Variants in LRRK1 observed in about 807,000 individuals in gnomAD.
LRRK1 encodes leucine rich repeat kinase 1.
A neutral mutation model predicts 209.1 loss-of-function variants in LRRK1; 113 were observed. The observed-to-expected ratio is 0.54, with a 90% CI of 0.46 to 0.63. LRRK1 has a LOEUF of 0.63. LRRK1 is among the 30% of genes least tolerant of loss of function. The pLI, the probability that LRRK1 is intolerant of heterozygous loss-of-function variation, is 0.00. For missense variants in LRRK1, 2,284 were observed against 2,632.2 expected, an observed-to-expected ratio of 0.87 and a Z score of 2.89; for synonymous variants, 1,144 against 1,099.7, an observed-to-expected ratio of 1.04 and a Z score of -0.80.
At chr15:100,962,824 T>TACATATATATATATATACATATATA (rs1555461505) in intron 2 of LRRK1, among the ~76,000 whole-genome samples, 5 of 8,436 alleles carry the variant, frequency 5.9e-4, no homozygotes, top group Non-Finnish European at 1.4e-3. Flanking sequence ...TATATATATA[T>TACATATATATATATATACATATATA]TTTTTTTTTT....
Position 101,073,032 on chromosome 15 carries a change from A to G in LRRK1, c.*4184A>G, listed in dbSNP as rs887764718. On this transcript the variant is annotated 3_prime_UTR_variant, in exon 34 of 34. Transcript: ENST00000388948. ...GGTCCATGAGAAAGATCCACCTACA[A>G]CCTCAAGTCCTCAGACCAACCAGCC... is the stretch of plus-strand genomic sequence containing the variant. 1.1e-4 allele frequency: 21 copies of G among 190,408 alleles called. No homozygotes were observed. Among genetic ancestry groups the G allele is most frequent in the Non-Finnish European group, 1.8e-4 (17 of 95,992 alleles). 11.8% of individuals were successfully genotyped at this position (190,408 alleles called of 1,614,324 possible).
chr15:100,967,776 A>G (rs1249296824), intron 2 of LRRK1, among the ~76,000 whole-genome samples: 1 of 152,242 alleles, frequency 6.6e-6, no homozygotes, highest in Non-Finnish European at 1.5e-5. Flanking sequence ...TTGCCTTTCT[A>G]TCCAACCATC....
At chr15:100,941,464 C>CTGTG (rs763355554) in intron 2 of LRRK1, among the ~76,000 whole-genome samples, 3,090 of 88,716 alleles carry the variant, frequency 0.035, 132 homozygotes, top group Middle Eastern at 0.061. Context: ...GTCTATGTCT[C>CTGTG]TGTGTGTGTG....
Position 101,011,575 on chromosome 15 carries a change from G to A in LRRK1, c.1282-433G>A, listed in dbSNP as rs549536813. The stretch of plus-strand genomic sequence containing the variant: ...TTTGCTTGTTAAAACAGATGGAATA[G>A]CATGAAGAATGTGTGTGTGTGTGTG... On this transcript the variant is annotated intron_variant, in intron 9 of 33. Coordinates refer to ENST00000388948, the MANE Select transcript of LRRK1 (RefSeq NM_024652.6). Among the ~76,000 whole-genome samples the A allele has an allele frequency of 2.2e-4, 26 of 120,890 alleles. No homozygotes were observed. In the East Asian group the frequency reaches 7.0e-3, roughly 33 times the overall value. The allele number at this position is 120,890 out of a possible 152,430, so 79.3% of individuals were successfully genotyped here.
chr15:101,020,270 T>C (rs1203700035), intron 12 of LRRK1, among the ~76,000 whole-genome samples: 1 of 152,130 alleles, frequency 6.6e-6, no homozygotes. Context: ...AGGTGTGGTG[T>C]GTGTGCATAT....
Position 100,924,695 on chromosome 15 carries a change from T to A in LRRK1, c.63T>A (p.Ala21=). ...GGTGTGTGGGGCCGGAGGAGTCAGCTGTGTGTCCAGAACGTGCCATGGAGA... is the reference window on the plus strand; with the variant it reads ...GGTGTGTGGGGCCGGAGGAGTCAGCAGTGTGTCCAGAACGTGCCATGGAGA... ...MYWCVGPEES[A]VCPERAMETL... The change falls in exon 2 of 34, where the codon GCT becomes GCA. Residue 21 remains alanine, a synonymous_variant. Transcript: ENST00000388948. The A allele has an allele frequency of 6.2e-7, 1 of 1,614,144 alleles. No individual in the cohort carries two copies. Among genetic ancestry groups the A allele is most frequent in the Non-Finnish European group, 8.5e-7 (1 of 1,180,010 alleles).
intron 2 of LRRK1, among the ~76,000 whole-genome samples, chr15:100,964,804 G>A (rs948281853): frequency 7.4e-4 from 56 of 75,452 alleles, no homozygotes; most frequent in Non-Finnish European, 1.5e-3. Flanking sequence ...ACGTGCACAC[G>A]CATGCGCGCA....
chr15:101,014,546 G>A (rs973822254), intron 11 of LRRK1, 118 bp downstream of exon 11: 2 of 704,610 alleles, frequency 2.8e-6, no homozygotes, highest in Admixed American at 2.7e-5. Flanking sequence ...CCAGCTGGGG[G>A]CTTAACAACA....
At chr15:100,930,657 GAGA>G (rs1424442567) in intron 2 of LRRK1, among the ~76,000 whole-genome samples, 10 of 152,344 alleles carry the variant, frequency 6.6e-5, no homozygotes, top group Admixed American at 3.3e-4. Flanking sequence ...GCCACCAAGA[GAGA>G]AGATTTTCTT....
At chr15:101,062,473 T>A in intron 30 of LRRK1, 101 bp from the exon 31 acceptor site, 1 of 822,722 alleles carries the variant, frequency 1.2e-6, no homozygotes, top group Admixed American at 1.7e-5. Flanking sequence ...CCAAGACCCA[T>A]AGGGGATCCC....
At chr15:101,040,409 ATTCT>A (rs1272292736) in intron 20 of LRRK1, among the ~76,000 whole-genome samples, 8 of 151,876 alleles carry the variant, frequency 5.3e-5, no homozygotes, top group Admixed American at 5.2e-4. Flanking sequence ...CTTTTCTCTC[ATTCT>A]TTCTTGATCA....
intron 2 of LRRK1, among the ~76,000 whole-genome samples, chr15:100,969,187 G>A (rs2030694862): frequency 6.6e-6 from 1 of 152,096 alleles, no homozygotes; most frequent in African/African-American, 2.4e-5. Flanking sequence ...GGAGTTATAC[G>A]AGTTTTTATA....
chr15:101,065,932 AG>A lies in LRRK1; in HGVS notation c.5497del (p.Glu1833AsnfsTer63). The A allele has an allele frequency of 6.2e-7, 1 of 1,614,154 alleles. No individual in the cohort carries two copies. Among genetic ancestry groups the A allele is most frequent in the Non-Finnish European group, 8.5e-7 (1 of 1,180,014 alleles). ...CTGGGCACGCAGATCCTGATCCACC[AG>A]GAATCACTCACTGACTACTGCTCCA... The part of the protein sequence containing the change: ...EELGTQILIH[Q>X]ESLTDYCSMS... On this transcript the variant is annotated frameshift_variant, in exon 32 of 34. Coordinates refer to ENST00000388948, the MANE Select transcript of LRRK1 (RefSeq NM_024652.6). LOFTEE classifies it high-confidence loss of function.
intron 23 of LRRK1, among the ~76,000 whole-genome samples, chr15:101,050,511 G>C (rs995312090): frequency 6.6e-6 from 1 of 151,626 alleles, no homozygotes; most frequent in Admixed American, 6.6e-5. Context: ...TGTGGGACAG[G>C]CTGCCCGAGA....
At chr15:100,982,035 C>G (rs943163181) in intron 3 of LRRK1, among the ~76,000 whole-genome samples, 2 of 152,232 alleles carry the variant, frequency 1.3e-5, no homozygotes, top group Non-Finnish European at 2.9e-5. Context: ...CACAGTAGAT[C>G]CTCAGTAGGT....
chr15:101,002,839 T>G (rs1250384006), intron 6 of LRRK1, among the ~76,000 whole-genome samples: 1 of 152,248 alleles, frequency 6.6e-6, no homozygotes, highest in Non-Finnish European at 1.5e-5. Context: ...GTTCAAGTGA[T>G]TCGGCCTCAG....
chr15:101,027,442 C>T lies in LRRK1; in HGVS notation c.2526+61C>T, dbSNP rs550245468. On this transcript the variant is annotated intron_variant, in intron 18 of 33. Coordinates refer to ENST00000388948, the MANE Select transcript of LRRK1 (RefSeq NM_024652.6). The surrounding 1 kb of genome is among the most constrained non-coding windows in gnomAD (Gnocchi z 5.1). ...CCTGCTTCCCATTGTTGGGGGTCCT[C>T]ACTTCCCCCTCTCTCCTGTGAAGCC... 1.3e-6 allele frequency: 2 copies of T among 1,583,620 alleles called. No homozygotes were observed. The highest frequency in any genetic ancestry group is 2.2e-5 in the East Asian group (1 of 44,560).
Position 101,010,833 on chromosome 15 carries a change from C to T in LRRK1, c.1277C>T (p.Pro426Leu). Residue 426 changes from proline (P) to leucine (L), a missense_variant, in exon 9 of 34, where the codon CCT (proline) becomes CTT (leucine). By Grantham distance (98) the Pro-to-Leu change is moderately conservative. Around this residue, in one of 6 missense-constraint regions of LRRK1, gnomAD observed 494 missense variants for 522.1 expected, o/e 0.95. Transcript: ENST00000388948. ...LKVFPDPWAC[P>L]LKCCKASRNA... ...GTGTTTCCAGATCCCTGGGCCTGCC[C>T]TTTGGTGAGTATCACACCAAAAGTC... 1 of 1,610,498 alleles carries T rather than the reference C, an allele frequency of 6.2e-7. No individual in the cohort carries two copies. The highest frequency in any genetic ancestry group is 8.5e-7 in the Non-Finnish European group (1 of 1,179,056).
chr15:101,018,022 A>G (rs10751716), intron 12 of LRRK1, among the ~76,000 whole-genome samples: 127,591 of 152,036 alleles, frequency 0.84, 55,114 homozygotes, highest in South Asian at 0.96. Flanking sequence ...GACTGAAATC[A>G]TTGGCTTCAT....
Sources: allele counts gnomAD v4.1 joint callset (sites outside exome capture counted in the v4.1 genomes callset), GRCh38; gene constraint gnomAD v4.1.1; regional missense constraint gnomAD v4.1.1; non-coding constraint Gnocchi (gnomAD v3.1); transcripts MANE v1.5; gene names NCBI Gene and HGNC (gene_info 2026-07-23, HGNC 2026-07-21).